Variants in LRCH1 observed in about 807,000 individuals in gnomAD.
LRCH1 encodes the protein leucine rich repeats and calponin homology domain containing 1, also known as leucine-rich repeat and calponin homology domain-containing protein 1.
In LRCH1, 23 loss-of-function variants were observed where a neutral mutation model predicts 94.9. The observed-to-expected ratio is 0.24, with a 90% CI of 0.17 to 0.34. LRCH1 has a LOEUF of 0.34. Among genes scored for constraint, LRCH1 ranks in the 10% least tolerant of loss-of-function variants. The pLI is 1.00. For synonymous variants in LRCH1, 364 were observed against 354.9 expected, an observed-to-expected ratio of 1.03 and a Z score of -0.29; for missense variants, 790 against 945.9, an observed-to-expected ratio of 0.84 and a Z score of 2.16.
chr13:46,579,584 G>C (rs770888037), intron 1 of LRCH1, among the ~76,000 whole-genome samples: 1 of 151,728 alleles, frequency 6.6e-6, no homozygotes, highest in African/African-American at 2.4e-5. Context: ...TTTTCTTGGA[G>C]TTTAACACTC....
chr13:46,615,455 C>T (rs2050796480), intron 1 of LRCH1, among the ~76,000 whole-genome samples: 1 of 152,178 alleles, frequency 6.6e-6, no homozygotes, highest in African/African-American at 2.4e-5. Context: ...CAAACGCCTC[C>T]CACTAGGCCT....
intron 7 of LRCH1, 68 bp from the exon 8 acceptor site, chr13:46,692,468 C>A: frequency 9.2e-7 from 1 of 1,091,684 alleles, no homozygotes; most frequent in Non-Finnish European, 1.4e-6. Flanking sequence ...TGTTTTATTA[C>A]ATAGCATTCT....
chr13:46,585,352 C>A (rs1040411213), intron 1 of LRCH1, among the ~76,000 whole-genome samples: 1 of 151,900 alleles, frequency 6.6e-6, no homozygotes, highest in Non-Finnish European at 1.5e-5. Context: ...CCGAGGCAGG[C>A]GGATCACGAG....
intron 18 of LRCH1, among the ~76,000 whole-genome samples, chr13:46,750,229 T>C (rs1874070722): frequency 6.6e-6 from 1 of 152,248 alleles, no homozygotes; most frequent in African/African-American, 2.4e-5. Flanking sequence ...ATTCTTGGTG[T>C]ATGCTCTCTG....
At chr13:46,750,654 T>C (rs1209455238) in exon 19 of LRCH1, 1 of 1,539,840 alleles carries the variant, frequency 6.5e-7, no homozygotes, top group Non-Finnish European at 8.8e-7. Flanking sequence ...CACATGAAAC[T>C]ACCCCTTCTC....
chr13:46,642,033 C>T (rs1489273081), intron 1 of LRCH1, among the ~76,000 whole-genome samples: 1 of 152,182 alleles, frequency 6.6e-6, no homozygotes, highest in Non-Finnish European at 1.5e-5. Context: ...CTGTGGTGGC[C>T]CAGCTCCACG....
rs117677856 is a variant in LRCH1, at chr13:46,614,184, C to T, written c.308-36017C>T. On this transcript the variant is annotated intron_variant, in intron 1 of 19. Transcript: ENST00000389797. Reference sequence around the variant, plus strand: ...GTAATATATAATGCAATATTATTAACGACAATACTTGTGTGGTACTCTAGA... The same window carrying T: ...GTAATATATAATGCAATATTATTAATGACAATACTTGTGTGGTACTCTAGA... 9.9e-5 allele frequency among the ~76,000 whole-genome samples: 15 copies of T among 152,136 alleles called. No individual in the cohort carries two copies. In the East Asian group the frequency reaches 1.9e-3, roughly 20 times the overall value.
At chr13:46,726,705 G>A (rs762798006) in intron 17 of LRCH1, among the ~76,000 whole-genome samples, 3 of 151,906 alleles carry the variant, frequency 2.0e-5, no homozygotes, top group Non-Finnish European at 2.9e-5. Context: ...TGGAGACCAC[G>A]TGGGAATTCT....
rs1566263481 is a variant in LRCH1 at position 46,743,505 on chromosome 13, C to CT, written c.*1659dup. On this transcript the variant is annotated 3_prime_UTR_variant, in exon 20 of 20. Transcript: ENST00000389797. The stretch of plus-strand genomic sequence containing the variant: ...ATTACTTTTGGTGCTATCTTGTACT[C>CT]TTCAATCTGTAACACAATAAAATCC... 4 of 985,680 alleles carry CT rather than the reference C, an allele frequency of 4.1e-6. No homozygotes were observed. Among genetic ancestry groups the CT allele is most frequent in the Non-Finnish European group, 4.8e-6 (4 of 829,910 alleles). The allele number at this position is 985,680 out of a possible 1,614,324, so 61.1% of individuals were successfully genotyped here.
At position 46,604,605 on chromosome 13, in the gene LRCH1, C is replaced by G. The variant is rs577868667; in HGVS notation, c.308-45596C>G. ...GGAGCGGAGCAGGCAGAACTTACAT[C>G]TTGTTGGTCTTGTTCTGCCCTCAGC... On this transcript the variant is annotated intron_variant, in intron 1 of 19. Transcript: ENST00000389797. Among the ~76,000 whole-genome samples the G allele has an allele frequency of 7.2e-5, 11 of 152,322 alleles. No homozygotes were observed. In the South Asian group the frequency reaches 1.7e-3, roughly 23 times the overall value.
intron 19 of LRCH1, 115 bp downstream of exon 19, chr13:46,734,113 T>C (rs1324444080): frequency 4.1e-6 from 2 of 481,982 alleles, no homozygotes; most frequent in Non-Finnish European, 7.3e-6. Context: ...TCTCAACCTT[T>C]CTTGAGAAAT....
Position 46,581,700 on chromosome 13 carries a change from G to A in LRCH1, c.307+27997G>A, listed in dbSNP as rs566386523. 5.3e-5 allele frequency among the ~76,000 whole-genome samples: 8 copies of A among 152,246 alleles called. No homozygotes were observed. The East Asian group carries it at 9.7e-4, about 18-fold the overall frequency. On this transcript the variant is annotated intron_variant, in intron 1 of 19. Coordinates refer to ENST00000389797, the MANE Select transcript of LRCH1 (RefSeq NM_001164211.2). ...AGTTTGCCTCCAGTTAATGTCCTTC[G>A]CCACTTTATATTGAACTGAGAAAAG... is the stretch of plus-strand genomic sequence containing the variant.
chr13:46,557,837 C>T lies in LRCH1; in HGVS notation c.307+4134C>T, dbSNP rs545276146. On this transcript the variant is annotated intron_variant, in intron 1 of 19. Coordinates refer to ENST00000389797, the MANE Select transcript of LRCH1 (RefSeq NM_001164211.2). ...TCGCACCACTGCATGCCAGCCTGGG[C>T]GACAGAGAGAGACTCCATCTCAAAA... 3.7e-4 allele frequency among the ~76,000 whole-genome samples: 56 copies of T among 151,768 alleles called. 1 individual carries two copies. The highest frequency in any genetic ancestry group is 1.3e-3 in the African/African-American group (52 of 41,378).
chr13:46,609,345 T>C (rs2050721894), intron 1 of LRCH1, among the ~76,000 whole-genome samples: 1 of 152,196 alleles, frequency 6.6e-6, no homozygotes, highest in East Asian at 1.9e-4. Context: ...CCATTGCCAA[T>C]ATGTGGATAT....
rs562633382 is a variant in LRCH1, at chr13:46,707,178, A to G, written c.1527+1874A>G. Among the ~76,000 whole-genome samples the G allele has an allele frequency of 9.2e-5, 14 of 152,304 alleles. No individual in the cohort carries two copies. In the South Asian group the frequency reaches 1.9e-3, roughly 20 times the overall value. ...TACTGCATTTGATTGTCAGGTATCT[A>G]TAACCTTCTTTTATCTGGAACATTT... On this transcript the variant is annotated intron_variant, in intron 13 of 19. Coordinates refer to ENST00000389797, the MANE Select transcript of LRCH1 (RefSeq NM_001164211.2).
At chr13:46,702,926 G>A (rs1359556730) in intron 11 of LRCH1, among the ~76,000 whole-genome samples, 1 of 152,190 alleles carries the variant, frequency 6.6e-6, no homozygotes, top group Non-Finnish European at 1.5e-5. Flanking sequence ...AATGATGCAG[G>A]CGATGGCTTT....
intron 1 of LRCH1, among the ~76,000 whole-genome samples, chr13:46,635,006 T>A (rs2138052047): frequency 6.6e-6 from 1 of 152,246 alleles, no homozygotes; most frequent in South Asian, 2.1e-4. Context: ...AAACCAGTAG[T>A]TTTGAAAAGT....
intron 1 of LRCH1, among the ~76,000 whole-genome samples, chr13:46,569,453 T>C (rs2050218408): frequency 6.6e-6 from 1 of 152,210 alleles, no homozygotes; most frequent in Non-Finnish European, 1.5e-5. Flanking sequence ...AAGTACATTG[T>C]TAATGTAGAG....
intron 1 of LRCH1, among the ~76,000 whole-genome samples, chr13:46,583,360 A>G (rs1283041024): frequency 6.6e-6 from 1 of 152,240 alleles, no homozygotes; most frequent in African/African-American, 2.4e-5. Flanking sequence ...TTGTACCAAG[A>G]TATCTTTCTT....
Sources: allele counts gnomAD v4.1 joint callset (sites outside exome capture counted in the v4.1 genomes callset), GRCh38; gene constraint gnomAD v4.1.1; transcripts MANE v1.5; gene names NCBI Gene and HGNC (gene_info 2026-07-23, HGNC 2026-07-21).